The following WWC1 variants were observed in gnomAD, a reference collection of about 807,000 sequenced individuals.
The protein encoded by WWC1 is WW and C2 domain containing 1, also known as protein KIBRA.
WWC1 carries 55 observed loss-of-function variants against 138.4 expected under a neutral mutation model. The observed-to-expected ratio is 0.40, with a 90% CI of 0.32 to 0.50. The LOEUF is 0.50. Ranked by LOEUF, WWC1 falls within the 20% of genes least tolerant of loss-of-function variation. The pLI, the probability that WWC1 is intolerant of heterozygous loss-of-function variation, is 0.72. For missense variants in WWC1, 1,226 were observed against 1,420.4 expected (o/e 0.86, Z 2.20); for synonymous variants, 524 against 564.9 (o/e 0.93, Z 1.03).
In WWC1 at chr5:168,431,234, G is replaced by C; in HGVS notation, c.2088-18G>C. Reference sequence around the variant, plus strand: ...CATGGGCTGACCCAAGATTTCCTGCGGTTCTGTCTCCCTCTAGGAATATCC... The same window carrying C: ...CATGGGCTGACCCAAGATTTCCTGCCGTTCTGTCTCCCTCTAGGAATATCC... On this transcript the variant is annotated intron_variant, in intron 14 of 22. Transcript: ENST00000265293. 6.3e-7 allele frequency: 1 copy of C among 1,594,048 alleles called. No individual in the cohort carries two copies. Among genetic ancestry groups the C allele is most frequent in the Non-Finnish European group, 8.6e-7 (1 of 1,169,428 alleles).
At chr5:168,448,615 G>GCTT in intron 17 of WWC1, among the ~76,000 whole-genome samples, 1 of 116,920 alleles carries the variant, frequency 8.6e-6, no homozygotes, top group South Asian at 2.5e-4. Context: ...TCTCAAATAA[G>GCTT]ATTTTTTTTT....
chr5:168,412,179 C>G, intron 8 of WWC1: 2 of 985,386 alleles, frequency 2.0e-6, no homozygotes, highest in Non-Finnish European at 2.4e-6. Context: ...TGGAGTTGAG[C>G]CATTAGACTT....
Position 168,414,470 on chromosome 5 carries a change from G to T in WWC1, c.1064G>T (p.Arg355Leu), listed in dbSNP as rs781184337. The change falls in exon 9 of 23, where the codon CGC becomes CTC. Residue 355 changes from arginine (R) to leucine (L), a missense_variant. Around this residue, in one of 3 missense-constraint regions of WWC1, gnomAD observed 1,016 missense variants for 1,153.9 expected, o/e 0.88. Transcript: ENST00000265293. ...AAGGAGGAGCTGCTGAAGGAGATGC[G>T]CTTCATCAGCCCCCGCAAGTGGACC... The part of the protein sequence containing the change: ...NEKEELLKEM[R>L]FISPRKWTQG... The T allele has an allele frequency of 3.8e-6, 6 of 1,567,714 alleles. No individual in the cohort carries two copies. The highest frequency in any genetic ancestry group is 1.2e-5 in the South Asian group (1 of 85,722).
At position 168,467,938 on chromosome 5, in the gene WWC1, G is replaced by A; in HGVS notation, c.3249G>A (p.Lys1083=). The A allele has an allele frequency of 1.2e-6, 2 of 1,614,228 alleles. No homozygotes were observed. Among genetic ancestry groups the A allele is most frequent in the South Asian group, 1.1e-5 (1 of 91,086 alleles). The change falls in exon 22 of 23, where the codon AAG becomes AAA. Residue 1083 remains lysine (K), a synonymous_variant. Coordinates refer to ENST00000265293, the MANE Select transcript of WWC1 (RefSeq NM_015238.3). ...DVHRLRGQSC[K]EPPEVQSFRE... ...ACAGGCTCCGAGGCCAGAGCTGTAA[G>A]GAACCCCCAGAAGTTCAGTCTTTCA... is the stretch of plus-strand genomic sequence containing the variant.
At chr5:168,448,616 AT>A (rs756135846) in intron 17 of WWC1, among the ~76,000 whole-genome samples, 16,074 of 117,414 alleles carry the variant, frequency 0.14, 757 homozygotes, top group Middle Eastern at 0.17. Flanking sequence ...CTCAAATAAG[AT>A]TTTTTTTTTT....
intron 1 of WWC1, among the ~76,000 whole-genome samples, chr5:168,293,449 G>A (rs564146566): frequency 5.9e-5 from 9 of 152,184 alleles, no homozygotes; most frequent in African/African-American, 2.2e-4. Flanking sequence ...AATATAAGCG[G>A]AAAGAAAATG....
intron 19 of WWC1, among the ~76,000 whole-genome samples, chr5:168,458,764 T>G (rs1461101769): frequency 6.6e-6 from 1 of 152,334 alleles, no homozygotes; most frequent in African/African-American, 2.4e-5. Flanking sequence ...CTCTACCATG[T>G]CTGAGATTAA....
chr5:168,375,054 A>G (rs1777063305), intron 2 of WWC1, among the ~76,000 whole-genome samples: 1 of 152,190 alleles, frequency 6.6e-6, no homozygotes, highest in Non-Finnish European at 1.5e-5. Context: ...CAAGACTTAC[A>G]TGTCTATTAC....
At chr5:168,341,728 A>G (rs1774053598) in intron 1 of WWC1, among the ~76,000 whole-genome samples, 3 of 152,028 alleles carry the variant, frequency 2.0e-5, no homozygotes, top group Admixed American at 6.5e-5. Context: ...ATTTTGGAAA[A>G]AGTAAGGCCT....
chr5:168,419,026 T>A (rs1780878257), intron 9 of WWC1, among the ~76,000 whole-genome samples: 1 of 152,190 alleles, frequency 6.6e-6, no homozygotes, highest in African/African-American at 2.4e-5. Context: ...ACGGATTTAG[T>A]TGTCCAGTAA....
intron 17 of WWC1, among the ~76,000 whole-genome samples, chr5:168,448,171 C>CTT (rs1335773208): frequency 6.6e-6 from 1 of 152,138 alleles, no homozygotes; most frequent in African/African-American, 2.4e-5. Context: ...TGGGGCAAAC[C>CTT]ATCTGCGGCC....
chr5:168,435,202 T>A (rs1197377276), intron 15 of WWC1, among the ~76,000 whole-genome samples: 1 of 152,134 alleles, frequency 6.6e-6, no homozygotes, highest in Non-Finnish European at 1.5e-5. Context: ...CCACACCATA[T>A]CTGGCTGTTC....
chr5:168,445,295 T>C (rs1334802736), intron 17 of WWC1, among the ~76,000 whole-genome samples: 3 of 148,514 alleles, frequency 2.0e-5, no homozygotes, highest in African/African-American at 2.5e-5. Flanking sequence ...ACCTGGGTGA[T>C]AGAGCAAAAA....
At chr5:168,383,353 A>G (rs994915739) in intron 2 of WWC1, among the ~76,000 whole-genome samples, 14 of 152,124 alleles carry the variant, frequency 9.2e-5, no homozygotes, top group African/African-American at 2.7e-4. Context: ...TACCCCCTTT[A>G]AGAGATACAA....
chr5:168,449,495 TG>T (rs574461389), intron 17 of WWC1, among the ~76,000 whole-genome samples: 3 of 151,870 alleles, frequency 2.0e-5, no homozygotes, highest in Non-Finnish European at 2.9e-5. Flanking sequence ...CAATAAATAC[TG>T]GTCAATGTGG....
chr5:168,400,974 C>A (rs945361503), intron 5 of WWC1, among the ~76,000 whole-genome samples: 1 of 150,902 alleles, frequency 6.6e-6, no homozygotes, highest in Non-Finnish European at 1.5e-5. Context: ...CAAAGTGACA[C>A]CCTCTCTCCA....
intron 1 of WWC1, among the ~76,000 whole-genome samples, chr5:168,293,141 G>A (rs368786671): frequency 4.6e-5 from 7 of 152,364 alleles, no homozygotes; most frequent in African/African-American, 1.7e-4. Context: ...ATAGCTCGGT[G>A]TGGCTCTTAC....
Position 168,408,028 on chromosome 5 carries a change from A to ATTT in WWC1, c.721-460_721-458dup, listed in dbSNP as rs1181472544. Among the ~76,000 whole-genome samples the ATTT allele has an allele frequency of 9.2e-3, 1,076 of 117,418 alleles. 28 individuals carry two copies. The highest frequency in any genetic ancestry group is 0.031 in the African/African-American group (969 of 30,952). 77.0% of individuals were successfully genotyped at this position (117,418 alleles called of 152,430 possible). ...CAGACATGCACCGCCACATCCAGCT[A>ATTT]TTTTTTTTTTTTTTTTTTTTTAGAG... On this transcript the variant is annotated intron_variant, in intron 6 of 22. Coordinates refer to ENST00000265293, the MANE Select transcript of WWC1 (RefSeq NM_015238.3).
intron 1 of WWC1, among the ~76,000 whole-genome samples, chr5:168,350,791 T>G (rs1774883711): frequency 6.6e-6 from 1 of 152,226 alleles, no homozygotes; most frequent in Non-Finnish European, 1.5e-5. Context: ...TTTCCAAAAC[T>G]TCAGTCACTG....
Sources: allele counts gnomAD v4.1 joint callset (sites outside exome capture counted in the v4.1 genomes callset), GRCh38; gene constraint gnomAD v4.1.1; regional missense constraint gnomAD v4.1.1; transcripts MANE v1.5; gene names NCBI Gene and HGNC (gene_info 2026-07-23, HGNC 2026-07-21).